Variants in PDZD8 observed in about 807,000 individuals in gnomAD.
The protein encoded by PDZD8 is PDZ domain containing 8, also known as PDZ domain-containing protein 8.
Under a neutral mutation model 85.8 loss-of-function variants are expected in PDZD8, and 14 were observed. The ratio of observed to expected loss-of-function variants is 0.16; its 90% CI spans 0.11 to 0.26. The LOEUF (loss-of-function observed/expected upper bound fraction) is 0.26. PDZD8 is among the 10% of genes least tolerant of loss of function. PDZD8 has a pLI of 1.00. For synonymous variants in PDZD8, 592 were observed against 568.6 expected, an observed-to-expected ratio of 1.04 and a Z score of -0.59; for missense variants, 1,197 against 1,424.3, an observed-to-expected ratio of 0.84 and a Z score of 2.57.
chr10:117,374,297 G>GGGCCC lies in PDZD8; in HGVS notation c.872+58_872+59insGGGCC, dbSNP rs1387268545. The GGGCCC allele has an allele frequency of 4.2e-5, 66 of 1,584,206 alleles. No homozygotes were observed. The highest frequency in any genetic ancestry group is 1.6e-4 in the South Asian group (14 of 85,374). Reference sequence around the variant, plus strand: ...GCCTTTGCCCTTCCCAATCCACGCAGCGTCCCGCCCAGGCCCGGGTTCCCG... The same window carrying GGGCCC: ...GCCTTTGCCCTTCCCAATCCACGCAGGGCCCCGTCCCGCCCAGGCCCGGGTTCCCG... On this transcript the variant is annotated intron_variant, in intron 1 of 4. Coordinates refer to ENST00000334464, the MANE Select transcript of PDZD8 (RefSeq NM_173791.5). The surrounding 1 kb of genome is among the most constrained non-coding windows in gnomAD (Gnocchi z 7.8).
chr10:117,353,189 C>T (rs578205545), intron 1 of PDZD8, among the ~76,000 whole-genome samples: 2 of 152,230 alleles, frequency 1.3e-5, no homozygotes, highest in South Asian at 4.1e-4. Context: ...AAAACAGTAC[C>T]TCTTGTCTTC....
intron 1 of PDZD8, among the ~76,000 whole-genome samples, chr10:117,356,812 T>G (rs1844902859): frequency 6.6e-6 from 1 of 152,180 alleles, no homozygotes; most frequent in South Asian, 2.1e-4. Flanking sequence ...TTACTGAGAT[T>G]ACTGTCTATT....
chr10:117,287,843 C>T (rs1333400021), intron 4 of PDZD8, among the ~76,000 whole-genome samples: 1 of 152,168 alleles, frequency 6.6e-6, no homozygotes, highest in African/African-American at 2.4e-5. Context: ...TAATATGGTG[C>T]TTCATTATTT....
intron 2 of PDZD8, among the ~76,000 whole-genome samples, chr10:117,324,838 A>T (rs1844287808): frequency 6.6e-6 from 1 of 152,218 alleles, no homozygotes; most frequent in East Asian, 1.9e-4. Flanking sequence ...CTTTTAATCT[A>T]TAGCTTATGG....
At chr10:117,291,818 A>T (rs892462485) in intron 3 of PDZD8, among the ~76,000 whole-genome samples, 2 of 151,186 alleles carry the variant, frequency 1.3e-5, no homozygotes, top group Non-Finnish European at 2.9e-5. Flanking sequence ...ATTAACAACA[A>T]CATCATCATG....
chr10:117,324,208 C>CAAAAAA (rs60898350), intron 2 of PDZD8, among the ~76,000 whole-genome samples: 13 of 29,222 alleles, frequency 4.4e-4, no homozygotes, highest in African/African-American at 1.7e-3. Context: ...GACTCCATCT[C>CAAAAAA]AAAAAAAAAA....
At chr10:117,290,138 T>G in intron 4 of PDZD8, 48 bp downstream of exon 4, 1 of 1,500,132 alleles carries the variant, frequency 6.7e-7, no homozygotes, top group Non-Finnish European at 9.0e-7. Flanking sequence ...ACACCTACTT[T>G]GTAGTTTATC....
chr10:117,369,945 G>A (rs1057357743), intron 1 of PDZD8, among the ~76,000 whole-genome samples: 3 of 151,978 alleles, frequency 2.0e-5, no homozygotes, highest in Non-Finnish European at 4.4e-5. Context: ...ACAAGCATCC[G>A]TAAGAATCTC....
chr10:117,365,578 A>T (rs1182871181), intron 1 of PDZD8, among the ~76,000 whole-genome samples: 2 of 152,198 alleles, frequency 1.3e-5, no homozygotes, highest in African/African-American at 4.8e-5. Context: ...TCACCTAGAA[A>T]ATATCTGATA....
At chr10:117,342,798 A>T (rs1844638824) in intron 1 of PDZD8, among the ~76,000 whole-genome samples, 1 of 152,110 alleles carries the variant, frequency 6.6e-6, no homozygotes, top group African/African-American at 2.4e-5. Context: ...CCCACAATTA[A>T]TCTTTCTAAT....
intron 1 of PDZD8, among the ~76,000 whole-genome samples, chr10:117,348,471 C>T (rs11815112): frequency 0.22 from 33,005 of 151,970 alleles, 4,034 homozygotes; most frequent in Middle Eastern, 0.34. Context: ...TGTTAATCCG[C>T]GATGGCTTCC....
In PDZD8 at chr10:117,277,837, T is replaced by G. The variant is rs555179259; in HGVS notation, c.*5431A>C. 1 of 152,356 alleles carries G rather than the reference T, an allele frequency of 6.6e-6. No individual in the cohort carries two copies. The highest frequency in any genetic ancestry group is 2.4e-5 in the African/African-American group (1 of 41,592). The allele number at this position is 152,356 out of a possible 1,614,324, so 9.4% of individuals were successfully genotyped here. On this transcript the variant is annotated 3_prime_UTR_variant, in exon 5 of 5. Coordinates refer to ENST00000334464, the MANE Select transcript of PDZD8 (RefSeq NM_173791.5). ...AGGACAAGAACTTGTGTCAGTTATC[T>G]TTTGAATCCATAAATCTTAGCTGGC...
intron 1 of PDZD8, among the ~76,000 whole-genome samples, chr10:117,349,649 A>T (rs1336213805): frequency 6.6e-6 from 1 of 152,068 alleles, no homozygotes; most frequent in Non-Finnish European, 1.5e-5. Flanking sequence ...CAAAAAATAC[A>T]AAAACCAGCT....
At chr10:117,342,391 G>GC (rs1289212266) in intron 1 of PDZD8, among the ~76,000 whole-genome samples, 34 of 43,186 alleles carry the variant, frequency 7.9e-4, no homozygotes, top group Non-Finnish European at 9.4e-4. Context: ...CACACAAACA[G>GC]ATACACACAC....
chr10:117,357,413 C>CATTGT (rs1192459995), intron 1 of PDZD8, among the ~76,000 whole-genome samples: 1 of 151,838 alleles, frequency 6.6e-6, no homozygotes. Flanking sequence ...AATCAGGATA[C>CATTGT]ATTGTTGAAC....
Position 117,279,904 on chromosome 10 carries a change from G to A in PDZD8, c.*3364C>T, listed in dbSNP as rs977396424. ...ATTAGGGGAACCTCTCCTTCTTTTG[G>A]TAAGAAAAGCAATTATGTCAATTTA... On this transcript the variant is annotated 3_prime_UTR_variant, in exon 5 of 5. Coordinates refer to ENST00000334464, the MANE Select transcript of PDZD8 (RefSeq NM_173791.5). 2.6e-5 allele frequency: 4 copies of A among 152,220 alleles called. No individual in the cohort carries two copies. Among genetic ancestry groups the A allele is most frequent in the Non-Finnish European group, 5.9e-5 (4 of 68,010 alleles). The allele number at this position is 152,220 out of a possible 1,614,324, so 9.4% of individuals were successfully genotyped here. A position where few individuals can be genotyped will look rare whatever the true frequency, so the allele number is the denominator to read the frequency against.
chr10:117,369,819 A>T (rs1405845579), intron 1 of PDZD8, among the ~76,000 whole-genome samples: 1 of 152,186 alleles, frequency 6.6e-6, no homozygotes, highest in East Asian at 1.9e-4. Context: ...ATTTTTCCTA[A>T]CAGAAGCCAC....
intron 2 of PDZD8, among the ~76,000 whole-genome samples, chr10:117,326,865 G>C (rs1844325701): frequency 6.6e-6 from 1 of 152,148 alleles, no homozygotes; most frequent in Non-Finnish European, 1.5e-5. Context: ...GTATTAAAGA[G>C]ACTCAGGTAC....
chr10:117,370,869 A>G (rs1845176419), intron 1 of PDZD8, among the ~76,000 whole-genome samples: 2 of 151,932 alleles, frequency 1.3e-5, no homozygotes, highest in Non-Finnish European at 2.9e-5. Context: ...CATATTTACT[A>G]TATCGATGGC....
Sources: allele counts gnomAD v4.1 joint callset (sites outside exome capture counted in the v4.1 genomes callset), GRCh38; gene constraint gnomAD v4.1.1; non-coding constraint Gnocchi (gnomAD v3.1); transcripts MANE v1.5; gene names NCBI Gene and HGNC (gene_info 2026-07-23, HGNC 2026-07-21).